CNTNAP4: variants seen among roughly 807,000 people sequenced by gnomAD.
The protein encoded by CNTNAP4 is contactin-associated protein-like 4.
A neutral mutation model predicts 148.4 loss-of-function variants in CNTNAP4; 98 were observed. The ratio of observed to expected loss-of-function variants is 0.66; its 90% CI spans 0.56 to 0.78. The LOEUF is 0.78. Among genes scored for constraint, CNTNAP4 ranks in the 30% least tolerant of loss-of-function variants. The pLI, the probability that CNTNAP4 is intolerant of heterozygous loss-of-function variation, is 0.00. For synonymous variants in CNTNAP4, 730 were observed against 565.1 expected, an observed-to-expected ratio of 1.29 and a Z score of -4.14; for missense variants, 1,935 against 1,565.6, an observed-to-expected ratio of 1.24 and a Z score of -3.98.
At chr16:76,281,796 T>G (rs187252204) in intron 1 of CNTNAP4, among the ~76,000 whole-genome samples, 1 of 152,064 alleles carries the variant, frequency 6.6e-6, no homozygotes, top group Admixed American at 6.6e-5. Flanking sequence ...AGTTCTTCCA[T>G]TTTTAGCTGA....
intron 15 of CNTNAP4, among the ~76,000 whole-genome samples, chr16:76,500,390 A>G (rs373855110): frequency 6.6e-6 from 1 of 152,268 alleles, no homozygotes; most frequent in East Asian, 1.9e-4. Flanking sequence ...TAAGAGAAAG[A>G]AACCACTGGG....
chr16:76,500,642 G>GCA (rs142563733), intron 15 of CNTNAP4, among the ~76,000 whole-genome samples: 24,920 of 134,752 alleles, frequency 0.18, 2,659 homozygotes, highest in Admixed American at 0.34. Context: ...GTGTGTGTGT[G>GCA]TCTGTGTGCA....
chr16:76,455,752 A>G (rs1409916963), intron 8 of CNTNAP4, among the ~76,000 whole-genome samples: 1 of 152,226 alleles, frequency 6.6e-6, no homozygotes, highest in East Asian at 1.9e-4. Context: ...TGGCCTAGGT[A>G]TAATTGCCTT....
chr16:76,367,036 T>C lies in CNTNAP4; in HGVS notation c.390+11525T>C, dbSNP rs530609886. On this transcript the variant is annotated intron_variant, in intron 3 of 23. Coordinates refer to ENST00000611870, the MANE Select transcript of CNTNAP4 (RefSeq NM_033401.5). ...AATAATGGTAAGGAGAATTTACATGTTACAAAAAATTTATTAATATATATT... is the reference window on the plus strand; with the variant it reads ...AATAATGGTAAGGAGAATTTACATGCTACAAAAAATTTATTAATATATATT... Among the ~76,000 whole-genome samples, 11 of 151,860 alleles carry C rather than the reference T, an allele frequency of 7.2e-5. No homozygotes were observed. In the East Asian group the frequency reaches 2.1e-3, roughly 29 times the overall value.
chr16:76,307,503 CATATATATATATAT>C (rs6145898), intron 1 of CNTNAP4, among the ~76,000 whole-genome samples: 3,390 of 91,598 alleles, frequency 0.037, 258 homozygotes, highest in African/African-American at 0.14. Context: ...ATTTTAAATG[CATATATATATATAT>C]ATATATATAT....
At chr16:76,402,940 A>T (rs2078468188) in intron 3 of CNTNAP4, among the ~76,000 whole-genome samples, 1 of 151,952 alleles carries the variant, frequency 6.6e-6, no homozygotes. Flanking sequence ...CATTTGCTGA[A>T]GATTGTTTTA....
intron 3 of CNTNAP4, among the ~76,000 whole-genome samples, chr16:76,392,793 C>T (rs535460683): frequency 5.9e-5 from 9 of 152,240 alleles, no homozygotes; most frequent in African/African-American, 1.7e-4. Context: ...GTCCTCATTA[C>T]CTGGGCACAG....
intron 3 of CNTNAP4, among the ~76,000 whole-genome samples, chr16:76,402,944 T>C (rs936598426): frequency 5.9e-5 from 9 of 152,220 alleles, no homozygotes; most frequent in Non-Finnish European, 1.2e-4. Flanking sequence ...TGCTGAAGAT[T>C]GTTTTATGTG....
intron 8 of CNTNAP4, among the ~76,000 whole-genome samples, chr16:76,456,051 A>G (rs1568245981): frequency 6.6e-6 from 1 of 152,192 alleles, no homozygotes. Flanking sequence ...CCATAATCTC[A>G]TGGTCTCCAA....
chr16:76,371,126 G>A (rs2014770661), intron 3 of CNTNAP4, among the ~76,000 whole-genome samples: 1 of 152,132 alleles, frequency 6.6e-6, no homozygotes, highest in South Asian at 2.1e-4. Flanking sequence ...CTCAAAATAT[G>A]TGTTAGAGTT....
chr16:76,443,958 G>T (rs573980463), intron 4 of CNTNAP4, among the ~76,000 whole-genome samples: 1 of 151,976 alleles, frequency 6.6e-6, no homozygotes, highest in Non-Finnish European at 1.5e-5. Context: ...TTTTCAGTTC[G>T]CAATGTTAAA....
chr16:76,504,520 G>A (rs1161526674), intron 15 of CNTNAP4, among the ~76,000 whole-genome samples: 1 of 152,042 alleles, frequency 6.6e-6, no homozygotes, highest in Admixed American at 6.6e-5. Flanking sequence ...ACTGCTCTAA[G>A]AAAATACAAG....
intron 3 of CNTNAP4, among the ~76,000 whole-genome samples, chr16:76,409,826 A>G (rs932920188): frequency 5.9e-5 from 9 of 151,888 alleles, no homozygotes; most frequent in African/African-American, 1.7e-4. Context: ...AACTCAAGTA[A>G]TGAGATTCAG....
chr16:76,431,068 G>C (rs181909339), intron 4 of CNTNAP4, among the ~76,000 whole-genome samples: 6 of 152,282 alleles, frequency 3.9e-5, no homozygotes, highest in Non-Finnish European at 7.3e-5. Context: ...TGTAGAAGGA[G>C]TATAGGGTGT....
intron 2 of CNTNAP4, among the ~76,000 whole-genome samples, chr16:76,328,393 C>G (rs1002824580): frequency 7.9e-5 from 12 of 152,018 alleles, no homozygotes; most frequent in Admixed American, 5.2e-4. Flanking sequence ...TTAAGGTTGT[C>G]AAAAAACAAG....
intron 1 of CNTNAP4, among the ~76,000 whole-genome samples, chr16:76,279,467 C>G (rs1597061545): frequency 6.6e-6 from 1 of 152,184 alleles, no homozygotes; most frequent in South Asian, 2.1e-4. Flanking sequence ...AGAAAAGGTG[C>G]TGAAAGAGAT....
At chr16:76,461,535 G>C (rs2080961324) in intron 8 of CNTNAP4, among the ~76,000 whole-genome samples, 2 of 152,232 alleles carry the variant, frequency 1.3e-5, no homozygotes, top group Admixed American at 1.3e-4. Flanking sequence ...TTGTTGTAAT[G>C]ATTGATGGTA....
intron 3 of CNTNAP4, among the ~76,000 whole-genome samples, chr16:76,407,921 T>TA (rs113730985): frequency 0.014 from 2,205 of 152,196 alleles, 56 homozygotes; most frequent in African/African-American, 0.045. Context: ...ACTTCATTGT[T>TA]TTTTTAAAAA....
At chr16:76,533,698 A>G (rs1597089017) in intron 17 of CNTNAP4, among the ~76,000 whole-genome samples, 1 of 152,232 alleles carries the variant, frequency 6.6e-6, no homozygotes, top group East Asian at 1.9e-4. Context: ...TGGCAGAAGT[A>G]AATGTAAATG....
Sources: allele counts gnomAD v4.1 joint callset (sites outside exome capture counted in the v4.1 genomes callset), GRCh38; gene constraint gnomAD v4.1.1; transcripts MANE v1.5; gene names NCBI Gene and HGNC (gene_info 2026-07-23, HGNC 2026-07-21).